The following AP3B1 variants were observed in gnomAD, a reference collection of about 807,000 sequenced individuals.
AP3B1 encodes adaptor related protein complex 3 subunit beta 1.
In AP3B1, 61 loss-of-function variants were observed where a neutral mutation model predicts 132.5. The observed-to-expected ratio is 0.46, with a 90% CI of 0.37 to 0.57. The LOEUF (loss-of-function observed/expected upper bound fraction) is 0.57, where lower values mean the gene tolerates loss of function less well. Ranked by LOEUF, AP3B1 falls within the 20% of genes least tolerant of loss-of-function variation. The probability of loss-of-function intolerance (pLI) is 0.00; values close to 1 mark genes in which losing one functional copy is unlikely to be tolerated. For synonymous variants in AP3B1, 388 were observed against 438.3 expected, an observed-to-expected ratio of 0.89 and a Z score of 1.43; for missense variants, 1,120 against 1,289.4, an observed-to-expected ratio of 0.87 and a Z score of 2.01.
At chr5:78,196,061 G>A (rs1561470931) in intron 7 of AP3B1, among the ~76,000 whole-genome samples, 1 of 152,072 alleles carries the variant, frequency 6.6e-6, no homozygotes, top group Non-Finnish European at 1.5e-5. Context: ...CTTTTGCTAT[G>A]CAAAAGACAA....
rs183401343 is a variant in AP3B1, at chr5:78,282,796, G to A, written c.128+11656C>T. On this transcript the variant is annotated intron_variant, in intron 1 of 26. Transcript: ENST00000255194. ...GGAGGCCAAGGCAGGAGGACGGCTT[G>A]AGCCCAGGAGTTCAAGACCAGCGTG... 1.7e-3 allele frequency among the ~76,000 whole-genome samples: 262 copies of A among 151,292 alleles called. 2 individuals carry two copies. The highest frequency in any genetic ancestry group is 3.2e-3 in the Non-Finnish European group (219 of 67,902).
chr5:78,208,153 A>G (rs746345309), intron 7 of AP3B1, among the ~76,000 whole-genome samples: 1 of 152,154 alleles, frequency 6.6e-6, no homozygotes, highest in Admixed American at 6.5e-5. Flanking sequence ...CAGAAGAGAC[A>G]TGAAATTAAG....
intron 22 of AP3B1, among the ~76,000 whole-genome samples, chr5:78,069,941 A>G (rs1470355073): frequency 6.6e-6 from 1 of 152,212 alleles, no homozygotes; most frequent in African/African-American, 2.4e-5. Flanking sequence ...CTCAGAAATA[A>G]GACCATAAAT....
At position 78,105,831 on chromosome 5, in the gene AP3B1, CACAA is replaced by C. The variant is rs1292520517; in HGVS notation, c.2397+4372_2397+4375del. The stretch of plus-strand genomic sequence containing the variant: ...AATGAGGACATATTCCAATCAATAA[CACAA>C]ACAAACAAACATGGCACCTGAATGT... On this transcript the variant is annotated intron_variant, in intron 20 of 26. Transcript: ENST00000255194. Among the ~76,000 whole-genome samples, 10 of 152,254 alleles carry C rather than the reference CACAA, an allele frequency of 6.6e-5. No individual in the cohort carries two copies. The East Asian group carries it at 9.6e-4, about 15-fold the overall frequency.
At chr5:78,183,840 C>T (rs1744478376) in intron 7 of AP3B1, among the ~76,000 whole-genome samples, 1 of 145,316 alleles carries the variant, frequency 6.9e-6, no homozygotes, top group Non-Finnish European at 1.5e-5. Context: ...GCCCTCCAGC[C>T]TGGGCAACAA....
At chr5:78,198,622 A>G in intron 7 of AP3B1, among the ~76,000 whole-genome samples, 1 of 152,146 alleles carries the variant, frequency 6.6e-6, no homozygotes, top group East Asian at 1.9e-4. Context: ...ACTTTTATCC[A>G]TCTCTAAATA....
chr5:78,120,764 G>T (rs560943044), intron 17 of AP3B1, among the ~76,000 whole-genome samples: 1 of 152,222 alleles, frequency 6.6e-6, no homozygotes, highest in Non-Finnish European at 1.5e-5. Context: ...ACACCCTACT[G>T]TCAACATTAA....
At chr5:78,223,567 T>C (rs536700032) in intron 6 of AP3B1, among the ~76,000 whole-genome samples, 192 of 152,334 alleles carry the variant, frequency 1.3e-3, no homozygotes, top group African/African-American at 4.3e-3. Context: ...CTTTCTGGTG[T>C]ATTTTGGAAA....
intron 22 of AP3B1, among the ~76,000 whole-genome samples, chr5:78,076,078 T>C (rs1328410196): frequency 6.6e-6 from 1 of 152,228 alleles, no homozygotes; most frequent in East Asian, 1.9e-4. Flanking sequence ...ATGTGGAATT[T>C]AGCAAATATC....
intron 14 of AP3B1, 94 bp from the exon 15 acceptor site, chr5:78,141,413 G>T: frequency 1.1e-6 from 1 of 935,438 alleles, no homozygotes; most frequent in Non-Finnish European, 1.6e-6. Context: ...AAGTTTTACA[G>T]CTATTAATTA....
chr5:78,025,771 G>A (rs1747316898), intron 24 of AP3B1, among the ~76,000 whole-genome samples: 2 of 152,214 alleles, frequency 1.3e-5, no homozygotes, highest in South Asian at 4.1e-4. Flanking sequence ...AACCCCTGCA[G>A]TTCTTGTTCT....
chr5:78,289,998 G>A (rs1364253582), intron 1 of AP3B1, among the ~76,000 whole-genome samples: 1 of 152,142 alleles, frequency 6.6e-6, no homozygotes, highest in Non-Finnish European at 1.5e-5. Flanking sequence ...GATCTAAAGT[G>A]TCACTACCTC....
intron 21 of AP3B1, among the ~76,000 whole-genome samples, chr5:78,099,678 C>T (rs556841341): frequency 2.6e-5 from 4 of 152,072 alleles, no homozygotes; most frequent in African/African-American, 7.2e-5. Flanking sequence ...GGGTGGATCA[C>T]GAGGTCAGGA....
chr5:78,216,175 A>T lies in AP3B1; in HGVS notation c.666T>A (p.Ile222=), dbSNP rs767982888. 2 of 1,614,080 alleles carry T rather than the reference A, an allele frequency of 1.2e-6. No homozygotes were observed. Among genetic ancestry groups the T allele is most frequent in the South Asian group, 1.1e-5 (1 of 91,082 alleles). The change falls in exon 7 of 27, where the codon ATT becomes ATA. Residue 222 remains isoleucine, a synonymous_variant. Transcript: ENST00000255194. ...TACATAGCTTGCGGTAATTTTTATG[A>T]ATCAGATCTATTCTGTCCGGGCATA... ...EEVCPDRIDL[I]HKNYRKLCNL...
intron 22 of AP3B1, among the ~76,000 whole-genome samples, chr5:78,044,320 AC>A (rs1327100825): frequency 6.6e-6 from 1 of 152,192 alleles, no homozygotes; most frequent in Non-Finnish European, 1.5e-5. Context: ...ATGATAATCA[AC>A]CTTAAATATA....
chr5:78,240,822 A>G, intron 3 of AP3B1, 40 bp downstream of exon 3: 1 of 1,411,404 alleles, frequency 7.1e-7, no homozygotes, highest in Non-Finnish European at 1.0e-6. Flanking sequence ...GGTCCCATGA[A>G]AACAAAAGGA....
intron 2 of AP3B1, among the ~76,000 whole-genome samples, chr5:78,242,957 A>G (rs1431621525): frequency 6.6e-6 from 1 of 152,198 alleles, no homozygotes; most frequent in Non-Finnish European, 1.5e-5. Flanking sequence ...CTTTAAAAAG[A>G]TATTAGCTTT....
intron 17 of AP3B1, among the ~76,000 whole-genome samples, chr5:78,119,553 C>G (rs1205693829): frequency 6.6e-6 from 1 of 152,130 alleles, no homozygotes; most frequent in Non-Finnish European, 1.5e-5. Context: ...GCAGAAGCCT[C>G]AGGAGCCGAC....
intron 23 of AP3B1, among the ~76,000 whole-genome samples, chr5:78,037,902 TA>T (rs1414856351): frequency 1.3e-5 from 2 of 152,332 alleles, no homozygotes; most frequent in African/African-American, 4.8e-5. Context: ...AAGAAAGAGA[TA>T]GACATTCTAA....
Sources: allele counts gnomAD v4.1 joint callset (sites outside exome capture counted in the v4.1 genomes callset), GRCh38; gene constraint gnomAD v4.1.1; transcripts MANE v1.5; gene names NCBI Gene and HGNC (gene_info 2026-07-23, HGNC 2026-07-21).